Variants in GAS7 observed in about 807,000 individuals in gnomAD.
GAS7 encodes the protein growth arrest-specific protein 7.
In GAS7, 28 loss-of-function variants were observed where a neutral mutation model predicts 71.1. The observed-to-expected ratio is 0.39, with a 90% CI of 0.29 to 0.54. The LOEUF is 0.54. Among genes scored for constraint, GAS7 ranks in the 20% least tolerant of loss-of-function variants. The pLI is 0.62. For synonymous variants in GAS7, 258 were observed against 245.8 expected (o/e 1.05, Z -0.46); for missense variants, 436 against 627.8 (o/e 0.69, Z 3.27).
Position 9,918,094 on chromosome 17 carries a change from T to C in GAS7, c.1224A>G (p.Leu408=), listed in dbSNP as rs949507074. 5.6e-6 allele frequency: 9 copies of C among 1,612,416 alleles called. No individual in the cohort carries two copies. Among genetic ancestry groups the C allele is most frequent in the South Asian group, 1.1e-5 (1 of 91,046 alleles). Residue 408 remains leucine (L), a synonymous_variant, in exon 13 of 14, where the codon CTA becomes CTG. Coordinates refer to ENST00000432992, the MANE Select transcript of GAS7 (RefSeq NM_201433.2). ...CTACCCTCTCCACCTCCAGCCGCTC[T>C]AGCTCCTGCCGAGAAAGCAAAGGCC... ...FEEMVTTTLE[L]ERLEVERVEM... is the part of the protein sequence containing the mutation.
chr17:10,113,859 A>G (rs1224092116), intron 1 of GAS7, among the ~76,000 whole-genome samples: 2 of 152,132 alleles, frequency 1.3e-5, no homozygotes, highest in African/African-American at 4.8e-5. Context: ...TACCTATTTG[A>G]TAAGTATAAA....
chr17:9,911,026 C>G lies in GAS7; in HGVS notation c.*6202G>C, dbSNP rs2067422303. 1 of 232,912 alleles carries G rather than the reference C, an allele frequency of 4.3e-6. No individual in the cohort carries two copies. Among genetic ancestry groups the G allele is most frequent in the Non-Finnish European group, 8.5e-6 (1 of 117,782 alleles). 14.4% of individuals were successfully genotyped at this position (232,912 alleles called of 1,614,324 possible). On this transcript the variant is annotated 3_prime_UTR_variant, in exon 14 of 14. Transcript: ENST00000432992. This position sits in a 1 kb window ranked among gnomAD's most constrained non-coding sequence, Gnocchi z 4.0. ...CACTTTCATAGGGTTTGCCGATGTGCTCGTGTCTGTGAAGGGGTTGCTTCC... is the reference window on the plus strand; with the variant it reads ...CACTTTCATAGGGTTTGCCGATGTGGTCGTGTCTGTGAAGGGGTTGCTTCC...
rs1356415518 is a variant in GAS7 at position 9,925,684 on chromosome 17, A to T, written c.1015-85T>A. On this transcript the variant is annotated intron_variant, in intron 10 of 13. Coordinates refer to ENST00000432992, the MANE Select transcript of GAS7 (RefSeq NM_201433.2). ...GCCACGCAGCCCAGCTTCCCTTTGGAGTCCTTTCGCCCCTTGTTTGTGTGG... is the reference window on the plus strand; with the variant it reads ...GCCACGCAGCCCAGCTTCCCTTTGGTGTCCTTTCGCCCCTTGTTTGTGTGG... The T allele has an allele frequency of 2.7e-6, 4 of 1,480,670 alleles. No individual in the cohort carries two copies. In the African/African-American group the frequency reaches 4.2e-5, roughly 15 times the overall value. The allele number at this position is 1,480,670 out of a possible 1,614,324, so 91.7% of individuals were successfully genotyped here. A position where few individuals can be genotyped will look rare whatever the true frequency, so the allele number is the denominator to read the frequency against.
chr17:10,005,217 G>A (rs562367019), intron 2 of GAS7, among the ~76,000 whole-genome samples: 8 of 142,376 alleles, frequency 5.6e-5, no homozygotes, highest in South Asian at 2.1e-4. Flanking sequence ...GCATGTGCGC[G>A]TGTGCATGTA....
intron 1 of GAS7, among the ~76,000 whole-genome samples, chr17:10,063,965 G>A (rs1241526789): frequency 1.3e-5 from 2 of 152,164 alleles, no homozygotes; most frequent in African/African-American, 4.8e-5. Flanking sequence ...TTGCCAAAGA[G>A]AGCACCATTT....
At chr17:9,942,657 C>CA (rs1288843570) in intron 7 of GAS7, among the ~76,000 whole-genome samples, 4 of 152,056 alleles carry the variant, frequency 2.6e-5, no homozygotes, top group African/African-American at 9.7e-5. Flanking sequence ...CCACTGGTTA[C>CA]GGTAAAGGGC....
intron 3 of GAS7, among the ~76,000 whole-genome samples, chr17:9,980,930 G>A (rs1362718701): frequency 6.6e-6 from 1 of 152,172 alleles, no homozygotes; most frequent in Non-Finnish European, 1.5e-5. Flanking sequence ...CCCATAACCT[G>A]CCTTCCAGAA....
intron 1 of GAS7, chr17:10,059,735 C>G: frequency 1.0e-6 from 1 of 985,396 alleles, no homozygotes; most frequent in African/African-American, 1.7e-5. Context: ...ACACGCTGGT[C>G]ATTTTCTGCC....
chr17:10,115,278 G>A (rs979090875), intron 1 of GAS7, among the ~76,000 whole-genome samples: 2 of 152,254 alleles, frequency 1.3e-5, no homozygotes, highest in African/African-American at 4.8e-5. Context: ...AAGGACCAGG[G>A]ACGGAAGGAG....
chr17:10,095,957 C>T (rs2073637568), intron 1 of GAS7, among the ~76,000 whole-genome samples: 1 of 152,144 alleles, frequency 6.6e-6, no homozygotes, highest in Admixed American at 6.5e-5. Flanking sequence ...CCTGTTCCTC[C>T]TCATTCCTCA....
At chr17:9,964,265 T>A (rs2069616411) in intron 4 of GAS7, among the ~76,000 whole-genome samples, 1 of 152,044 alleles carries the variant, frequency 6.6e-6, no homozygotes, top group African/African-American at 2.4e-5. Flanking sequence ...CATTCACAAG[T>A]GATTCAGCAG....
At chr17:9,968,823 A>G (rs535852570) in intron 4 of GAS7, among the ~76,000 whole-genome samples, 2 of 152,314 alleles carry the variant, frequency 1.3e-5, no homozygotes, top group East Asian at 3.9e-4. Context: ...AACATCATCA[A>G]TATTATCATC....
chr17:9,954,163 C>A (rs2069131890), intron 5 of GAS7, among the ~76,000 whole-genome samples: 1 of 152,142 alleles, frequency 6.6e-6, no homozygotes, highest in African/African-American at 2.4e-5. Context: ...CAGGTGGGGA[C>A]CGCGTTGCTC....
At chr17:10,099,291 G>A (rs2073674775) in intron 1 of GAS7, among the ~76,000 whole-genome samples, 1 of 152,166 alleles carries the variant, frequency 6.6e-6, no homozygotes, top group Admixed American at 6.5e-5. Context: ...TGCATTCCTG[G>A]GGAGCCCTCC....
intron 1 of GAS7, among the ~76,000 whole-genome samples, chr17:10,100,677 C>A (rs2073689691): frequency 6.6e-6 from 1 of 152,164 alleles, no homozygotes; most frequent in Admixed American, 6.5e-5. Context: ...CATCTGAAAG[C>A]TGCTAGGTGA....
In GAS7 at chr17:10,186,544, T is replaced by C. The variant is rs572082339; in HGVS notation, c.183+11664A>G. Among the ~76,000 whole-genome samples, 5 of 151,848 alleles carry C rather than the reference T, an allele frequency of 3.3e-5. No homozygotes were observed. The South Asian group carries it at 8.3e-4, about 25-fold the overall frequency. On this transcript the variant is annotated intron_variant, in intron 1 of 13. Coordinates refer to ENST00000432992, the MANE Select transcript of GAS7 (RefSeq NM_201433.2). ...TCAGCCTCCTGAGTAGCTGGGATTA[T>C]AGGCATGTGCCACCAAGCCAGGCCA...
At chr17:10,094,134 C>A (rs2073617261) in intron 1 of GAS7, among the ~76,000 whole-genome samples, 1 of 152,240 alleles carries the variant, frequency 6.6e-6, no homozygotes, top group African/African-American at 2.4e-5. Flanking sequence ...GGGTTACAGA[C>A]TGCTAATCGC....
Position 10,198,530 on chromosome 17 carries a change from G to C in GAS7, c.-140C>G. On this transcript the variant is annotated 5_prime_UTR_variant, in exon 1 of 14. Coordinates refer to ENST00000432992, the MANE Select transcript of GAS7 (RefSeq NM_201433.2). ...GCGCGCCGTCTCTGGGGTGCGCGGG[G>C]GTCCTCAGGCAGGCGGGGGACGCGC... is the stretch of plus-strand genomic sequence containing the variant. 1 of 476,940 alleles carries C rather than the reference G, an allele frequency of 2.1e-6. No individual in the cohort carries two copies. The highest frequency in any genetic ancestry group is 3.4e-6 in the Non-Finnish European group (1 of 292,598). 29.5% of individuals were successfully genotyped at this position (476,940 alleles called of 1,614,324 possible).
At chr17:9,945,243 C>T (rs2068747754) in intron 6 of GAS7, among the ~76,000 whole-genome samples, 1 of 152,128 alleles carries the variant, frequency 6.6e-6, no homozygotes, top group Non-Finnish European at 1.5e-5. Flanking sequence ...GCCGCCACCA[C>T]CATCTTTCCT....
Sources: gnomAD v4.1 joint callset for allele counts (sites outside exome capture counted in the v4.1 genomes callset) on GRCh38, gnomAD v4.1.1 for gene constraint, Gnocchi (gnomAD v3.1) non-coding constraint, MANE v1.5 for transcripts, NCBI Gene and HGNC (gene_info 2026-07-23, HGNC 2026-07-21) for gene names.